Variants in RBFOX3 observed in about 807,000 individuals in gnomAD.
The protein encoded by RBFOX3 is RNA binding protein fox-1 homolog 3.
A neutral mutation model predicts 48.7 loss-of-function variants in RBFOX3; 17 were observed. The ratio of observed to expected loss-of-function variants is 0.35; its 90% confidence interval spans 0.24 to 0.52. The LOEUF (loss-of-function observed/expected upper bound fraction) is 0.52, where lower values mean the gene tolerates loss of function less well. Ranked by LOEUF, RBFOX3 falls within the 20% of genes least tolerant of loss-of-function variation. RBFOX3 has a pLI of 0.94. For synonymous variants in RBFOX3, 212 were observed against 209.5 expected, an observed-to-expected ratio of 1.01 and a Z score of -0.10; for missense variants, 382 against 497.5, an observed-to-expected ratio of 0.77 and a Z score of 2.21.
At chr17:79,091,728 T>A (rs1599366613) in intron 14 of RBFOX3, among the ~76,000 whole-genome samples, 1 of 152,118 alleles carries the variant, frequency 6.6e-6, no homozygotes, top group East Asian at 1.9e-4. Flanking sequence ...TTTCGAAGCT[T>A]GGGGACAGGG....
rs1034822786 is a variant in RBFOX3 at position 79,249,648 on chromosome 17, T to C, written c.-73-13843A>G. 6.6e-6 allele frequency among the ~76,000 whole-genome samples: 1 copy of C among 152,022 alleles called. No homozygotes were observed. Among genetic ancestry groups the C allele is most frequent in the Non-Finnish European group, 1.5e-5 (1 of 68,000 alleles). On this transcript the variant is annotated intron_variant, in intron 3 of 14. Transcript: ENST00000693108. This position sits in a 1 kb window ranked among gnomAD's most constrained non-coding sequence, Gnocchi z 4.1. ...CCCCATAGCCCAGAGCTCACTGAAA[T>C]GATCCAAACCAGCCAGCCCCAAAAC...
At chr17:79,173,647 G>C (rs1013801179) in intron 4 of RBFOX3, among the ~76,000 whole-genome samples, 1 of 152,210 alleles carries the variant, frequency 6.6e-6, no homozygotes, top group African/African-American at 2.4e-5. Context: ...GCGGGTCTAG[G>C]TGGCTCTGAC....
At chr17:79,570,697 C>T (rs1244146234) in intron 1 of RBFOX3, among the ~76,000 whole-genome samples, 2 of 152,176 alleles carry the variant, frequency 1.3e-5, no homozygotes, top group African/African-American at 4.8e-5. Flanking sequence ...ACAGACCCCA[C>T]CCCTGGGGAC....
At chr17:79,095,019 TAGAG>T (rs768777717) in intron 13 of RBFOX3, among the ~76,000 whole-genome samples, 40 of 151,990 alleles carry the variant, frequency 2.6e-4, no homozygotes, top group Non-Finnish European at 5.6e-4. Flanking sequence ...CTCAGCTCCT[TAGAG>T]AGCAGAGCTG....
At chr17:79,559,009 G>A (rs1377372420) in intron 1 of RBFOX3, among the ~76,000 whole-genome samples, 1 of 152,118 alleles carries the variant, frequency 6.6e-6, no homozygotes, top group African/African-American at 2.4e-5. Context: ...CTGGACTCCT[G>A]AGAGTCCCCA....
chr17:79,092,729 A>C, intron 14 of RBFOX3: 1 of 716,508 alleles, frequency 1.4e-6, no homozygotes, highest in Non-Finnish European at 1.7e-6. Context: ...AGGAAAAACA[A>C]AAAGAGAAAT....
chr17:79,598,326 ACACG>A (rs2093618592), intron 1 of RBFOX3: 1 of 152,438 alleles, frequency 6.6e-6, no homozygotes, highest in African/African-American at 2.4e-5. Flanking sequence ...ACATGCACAC[ACACG>A]CTCATGCACA....
In RBFOX3 at chr17:79,376,769, G is replaced by A. The variant is rs374158356; in HGVS notation, c.-174-68945C>T. ...AGGTGGGGAGGCTCGCAGGGGGATG[G>A]GGGTGCTTCTTTCACCTGTTCGCTT... On this transcript the variant is annotated intron_variant, in intron 2 of 14. Transcript: ENST00000693108. Among the ~76,000 whole-genome samples the A allele has an allele frequency of 2.6e-5, 4 of 152,234 alleles. No individual in the cohort carries two copies. In the South Asian group the frequency reaches 6.2e-4, roughly 24 times the overall value.
intron 4 of RBFOX3, among the ~76,000 whole-genome samples, chr17:79,152,389 CAG>C (rs148138912): frequency 0.02 from 3,067 of 152,166 alleles, 104 homozygotes; most frequent in African/African-American, 0.069. Context: ...AGCCGAGGCC[CAG>C]AGAGTCATAG....
chr17:79,375,530 A>G (rs9302894), intron 2 of RBFOX3, among the ~76,000 whole-genome samples: 152,269 of 152,278 alleles, frequency 1, 76,130 homozygotes, highest in Non-Finnish European at 1. Context: ...CTGGGGAGGG[A>G]GCAGCGTTCT....
intron 4 of RBFOX3, among the ~76,000 whole-genome samples, chr17:79,158,805 T>C (rs973505799): frequency 1.3e-5 from 2 of 152,136 alleles, no homozygotes; most frequent in Admixed American, 1.3e-4. Flanking sequence ...TTTAGGGACC[T>C]GGAAAGGGAC....
upstream of RBFOX3, among the ~76,000 whole-genome samples, chr17:79,612,912 C>T (rs2093979956): frequency 6.6e-6 from 1 of 152,176 alleles, no homozygotes; most frequent in African/African-American, 2.4e-5. Flanking sequence ...TGTCCCTTGC[C>T]CACATTTCTT....
At chr17:79,591,034 C>A (rs2093401308) in intron 1 of RBFOX3, among the ~76,000 whole-genome samples, 1 of 152,220 alleles carries the variant, frequency 6.6e-6, no homozygotes, top group African/African-American at 2.4e-5. Context: ...GAGAAGTTCC[C>A]GTGTCTGCCG....
chr17:79,509,668 G>T (rs1010500226), intron 1 of RBFOX3, among the ~76,000 whole-genome samples: 1 of 151,128 alleles, frequency 6.6e-6, no homozygotes, highest in Admixed American at 6.6e-5. Flanking sequence ...TCAGGGACCC[G>T]TCCCTTCCTT....
At chr17:79,588,896 G>A (rs1312489037) in intron 1 of RBFOX3, among the ~76,000 whole-genome samples, 1 of 150,892 alleles carries the variant, frequency 6.6e-6, no homozygotes, top group African/African-American at 2.4e-5. Context: ...GCTTGGACCT[G>A]GGCCATATAG....
chr17:79,091,890 C>T (rs2073981361), intron 14 of RBFOX3: 2 of 863,880 alleles, frequency 2.3e-6, no homozygotes, highest in Non-Finnish European at 2.8e-6. Flanking sequence ...CAGAGACTGG[C>T]GTGACCACAG....
chr17:79,094,480 G>A lies in RBFOX3; in HGVS notation c.1048C>T (p.Pro350Ser). Reference protein sequence around the residue: ...AADPYHHTIGPAATYSIGTM With the variant: ...AADPYHHTIGSAATYSIGTM ...GTTCCAATGCTGTAGGTCGCCGCGG[G>A]CCCGATGGTGTGATGGTACGGGTCG... is the stretch of plus-strand genomic sequence containing the variant. The change falls in exon 14 of 15, where the codon CCC (proline) becomes TCC (serine). Residue 350 changes from proline (P) to serine (S), a missense_variant. Physicochemically the swap from Pro to Ser is moderately conservative, Grantham distance 74. Around this residue, in one of 3 missense-constraint regions of RBFOX3, gnomAD observed 215 missense variants for 254.8 expected, o/e 0.84. Transcript: ENST00000693108. 6.8e-7 allele frequency: 1 copy of A among 1,472,372 alleles called. No homozygotes were observed. The highest frequency in any genetic ancestry group is 9.0e-7 in the Non-Finnish European group (1 of 1,112,456). The allele number at this position is 1,472,372 out of a possible 1,614,324, so 91.2% of individuals were successfully genotyped here.
intron 4 of RBFOX3, among the ~76,000 whole-genome samples, chr17:79,171,918 T>C (rs562162747): frequency 6.7e-6 from 1 of 150,076 alleles, no homozygotes; most frequent in South Asian, 2.3e-4. Flanking sequence ...ACGCCTGTGA[T>C]CCCAGCACTT....
rs2078765766 is a variant in RBFOX3, at chr17:79,481,429, TGG to T, written c.-175+1023_-175+1024del. ...CCTGGGAGGTGATCTCTAAAACTGCTGGGGTTTCCAAGGGATAGGAGTGTCTT... is the reference window on the plus strand; with the variant it reads ...CCTGGGAGGTGATCTCTAAAACTGCTGGTTTCCAAGGGATAGGAGTGTCTT... On this transcript the variant is annotated intron_variant, in intron 2 of 14. Coordinates refer to ENST00000693108, the MANE Select transcript of RBFOX3 (RefSeq NM_001350451.2). The surrounding 1 kb of genome is among the most constrained non-coding windows in gnomAD (Gnocchi z 5.4). Among the ~76,000 whole-genome samples, 1 of 152,176 alleles carries T rather than the reference TGG, an allele frequency of 6.6e-6. No homozygotes were observed. Among genetic ancestry groups the T allele is most frequent in the African/African-American group, 2.4e-5 (1 of 41,436 alleles).
Sources: gnomAD v4.1 joint callset for allele counts (sites outside exome capture counted in the v4.1 genomes callset) on GRCh38, gnomAD v4.1.1 for gene constraint, gnomAD v4.1.1 regional missense constraint, Gnocchi (gnomAD v3.1) non-coding constraint, MANE v1.5 for transcripts, NCBI Gene and HGNC (gene_info 2026-07-23, HGNC 2026-07-21) for gene names.